SUV39H2: variants seen among roughly 807,000 people sequenced by gnomAD.
SUV39H2 encodes the protein histone-lysine N-methyltransferase SUV39H2.
In SUV39H2, 10 loss-of-function variants were observed where a neutral mutation model predicts 47.5. That is an observed-to-expected ratio of 0.21 (90% confidence interval 0.13 to 0.36). SUV39H2 has a LOEUF of 0.36. Among genes scored for constraint, SUV39H2 ranks in the 10% least tolerant of loss-of-function variants. The pLI, the probability that SUV39H2 is intolerant of heterozygous loss-of-function variation, is 1.00. For synonymous variants in SUV39H2, 159 were observed against 166.8 expected (o/e 0.95, Z 0.36); for missense variants, 266 against 487.4 (o/e 0.55, Z 4.28).
At chr10:14,886,426 T>C (rs1382025582) in intron 2 of SUV39H2, among the ~76,000 whole-genome samples, 1 of 152,234 alleles carries the variant, frequency 6.6e-6, no homozygotes, top group African/African-American at 2.4e-5. Flanking sequence ...TGGTCTTGTT[T>C]ATATCAGATC....
intron 2 of SUV39H2, among the ~76,000 whole-genome samples, chr10:14,890,784 A>G (rs923596085): frequency 6.6e-6 from 1 of 152,210 alleles, no homozygotes. Context: ...TGTTTCTTTT[A>G]AAGTTTTGGT....
intron 2 of SUV39H2, among the ~76,000 whole-genome samples, chr10:14,882,378 C>T (rs1271444096): frequency 6.6e-6 from 1 of 152,176 alleles, no homozygotes; most frequent in Non-Finnish European, 1.5e-5. Flanking sequence ...TATATTGAAT[C>T]AGTCACTAAA....
Position 14,901,079 on chromosome 10 carries a change from G to C in SUV39H2, c.997-54G>C, listed in dbSNP as rs967329354. ...AAGTAAACATTTTATATGGCATGTA[G>C]AAGGGCTTGTTTACACCGTTTGTAC... On this transcript the variant is annotated intron_variant, in intron 4 of 5. Transcript: ENST00000354919. The C allele has an allele frequency of 8.2e-6, 13 of 1,588,314 alleles. No individual in the cohort carries two copies. In the African/African-American group the frequency reaches 1.5e-4, roughly 18 times the overall value.
Position 14,878,934 on chromosome 10 carries a change from C to G in SUV39H2, c.31+15C>G. 6.8e-7 allele frequency: 1 copy of G among 1,461,418 alleles called. No homozygotes were observed. The highest frequency in any genetic ancestry group is 9.1e-7 in the Non-Finnish European group (1 of 1,103,720). The allele number at this position is 1,461,418 out of a possible 1,614,324, so 90.5% of individuals were successfully genotyped here. The stretch of plus-strand genomic sequence containing the variant: ...GGCGCGAGGAGGTGAGGCTGGAGCG[C>G]GGCCCCCTCGCCTTCCCTGTTCCCA... On this transcript the variant is annotated intron_variant, in intron 1 of 5. Transcript: ENST00000354919.
At chr10:14,890,693 G>A (rs897938872) in intron 2 of SUV39H2, among the ~76,000 whole-genome samples, 1 of 152,272 alleles carries the variant, frequency 6.6e-6, no homozygotes, top group East Asian at 1.9e-4. Context: ...CACTGATATT[G>A]AATATGATGA....
chr10:14,879,255 T>G, intron 1 of SUV39H2: 1 of 506,818 alleles, frequency 2.0e-6, no homozygotes. Flanking sequence ...AGTCCCCGGT[T>G]GGAGGTCCGG....
At chr10:14,889,956 C>T (rs1403964582) in intron 2 of SUV39H2, among the ~76,000 whole-genome samples, 1 of 152,144 alleles carries the variant, frequency 6.6e-6, no homozygotes, top group African/African-American at 2.4e-5. Flanking sequence ...GAACAAGATC[C>T]TCTGTACACA....
At chr10:14,890,893 C>G (rs1045274995) in intron 2 of SUV39H2, among the ~76,000 whole-genome samples, 7 of 152,164 alleles carry the variant, frequency 4.6e-5, no homozygotes, top group African/African-American at 1.7e-4. Context: ...CCTTTAAGAA[C>G]TCATACAGTT....
intron 2 of SUV39H2, among the ~76,000 whole-genome samples, chr10:14,881,980 A>G (rs895557339): frequency 3.3e-5 from 5 of 152,178 alleles, no homozygotes; most frequent in African/African-American, 7.2e-5. Flanking sequence ...ACCTGAAATG[A>G]ACCTACCGTT....
chr10:14,883,852 T>C (rs1259211972), intron 2 of SUV39H2, among the ~76,000 whole-genome samples: 6 of 152,076 alleles, frequency 3.9e-5, no homozygotes, highest in Non-Finnish European at 8.8e-5. Context: ...CAGTTACCCT[T>C]CTACCTCCAG....
At chr10:14,894,618 C>T (rs1285569664) in intron 2 of SUV39H2, among the ~76,000 whole-genome samples, 1 of 57,586 alleles carries the variant, frequency 1.7e-5, no homozygotes, top group African/African-American at 2.0e-4. Context: ...CCGCCCGCCT[C>T]GGCCTCCCAA....
chr10:14,880,873 A>G (rs1305145006), intron 1 of SUV39H2, among the ~76,000 whole-genome samples: 1 of 152,212 alleles, frequency 6.6e-6, no homozygotes, highest in Non-Finnish European at 1.5e-5. Flanking sequence ...TAATAACTGG[A>G]GTTTATTCAC....
chr10:14,890,177 T>C (rs1375072827), intron 2 of SUV39H2, among the ~76,000 whole-genome samples: 1 of 152,222 alleles, frequency 6.6e-6, no homozygotes, highest in Non-Finnish European at 1.5e-5. Context: ...CAGAAATCAT[T>C]ATACTACAAC....
At chr10:14,882,465 C>G (rs151122340) in intron 2 of SUV39H2, among the ~76,000 whole-genome samples, 35 of 152,350 alleles carry the variant, frequency 2.3e-4, no homozygotes, top group African/African-American at 8.4e-4. Flanking sequence ...CTCACCTGCA[C>G]TCTCAGCATC....
chr10:14,887,739 G>A (rs1175629104), intron 2 of SUV39H2, among the ~76,000 whole-genome samples: 1 of 152,204 alleles, frequency 6.6e-6, no homozygotes, highest in African/African-American at 2.4e-5. Flanking sequence ...ATACTACAGA[G>A]TTTATCGTTC....
intron 4 of SUV39H2, 23 bp from the exon 5 acceptor site, chr10:14,901,110 T>C (rs755762852): frequency 3.2e-5 from 52 of 1,612,376 alleles, no homozygotes; most frequent in Middle Eastern, 1.7e-4. Flanking sequence ...TGTACTTAAA[T>C]GGGTTCTAAT....
intron 3 of SUV39H2, 116 bp downstream of exon 3, chr10:14,897,633 A>G: frequency 1.1e-6 from 1 of 916,654 alleles, no homozygotes; most frequent in Non-Finnish European, 1.5e-6. Flanking sequence ...TCATTTGCAG[A>G]TATGTAGAAA....
intron 1 of SUV39H2, 30 bp downstream of exon 1, chr10:14,878,949 C>T: frequency 6.9e-7 from 1 of 1,442,256 alleles, no homozygotes; most frequent in Non-Finnish European, 9.1e-7. Context: ...CCCTCGCCTT[C>T]CCTGTTCCCA....
chr10:14,898,214 T>TC (rs1297210374), intron 3 of SUV39H2: 3 of 140,534 alleles, frequency 2.1e-5, no homozygotes, highest in Non-Finnish European at 3.1e-5. Context: ...TTTTTTTTTT[T>TC]TTTTTTTTTT....
Sources: gnomAD v4.1 joint callset for allele counts (sites outside exome capture counted in the v4.1 genomes callset) on GRCh38, gnomAD v4.1.1 for gene constraint, MANE v1.5 for transcripts, NCBI Gene and HGNC (gene_info 2026-07-23, HGNC 2026-07-21) for gene names.